The following ARFGEF1 variants were observed in gnomAD, a reference collection of about 807,000 sequenced individuals.
ARFGEF1 encodes brefeldin A-inhibited guanine nucleotide-exchange protein 1.
A neutral mutation model predicts 231.0 loss-of-function variants in ARFGEF1; 42 were observed. The ratio of observed to expected loss-of-function variants is 0.18; its 90% CI spans 0.14 to 0.24. ARFGEF1 has a LOEUF of 0.24. Among genes scored for constraint, ARFGEF1 ranks in the 10% least tolerant of loss-of-function variants. The pLI, the probability that ARFGEF1 is intolerant of heterozygous loss-of-function variation, is 1.00. For synonymous variants in ARFGEF1, 710 were observed against 732.3 expected (o/e 0.97, Z 0.49); for missense variants, 1,345 against 2,192.0 (o/e 0.61, Z 7.72).
chr8:67,213,754 A>C (rs1380838344), intron 33 of ARFGEF1, among the ~76,000 whole-genome samples: 1 of 152,220 alleles, frequency 6.6e-6, no homozygotes, highest in Non-Finnish European at 1.5e-5. Context: ...AAACTGAGCA[A>C]AACAGGTTTT....
At chr8:67,187,384 G>T (rs1188855747) in intron 5 of ARFGEF1, among the ~76,000 whole-genome samples, 1 of 152,152 alleles carries the variant, frequency 6.6e-6, no homozygotes, top group East Asian at 1.9e-4. Context: ...CAGTTGAATG[G>T]AATATGGAGC....
At chr8:67,224,848 A>T in intron 29 of ARFGEF1, 55 bp downstream of exon 29, 1 of 1,295,354 alleles carries the variant, frequency 7.7e-7, no homozygotes, top group Non-Finnish European at 1.0e-6. Context: ...AGAAGAGTTA[A>T]TTTGATTAAA....
intron 22 of ARFGEF1, 58 bp downstream of exon 22, chr8:67,238,285 A>C: frequency 6.8e-7 from 1 of 1,468,160 alleles, no homozygotes; most frequent in Non-Finnish European, 9.2e-7. Flanking sequence ...TACTACAATA[A>C]AGTGACTTAT....
chr8:67,242,022 C>A (rs898913904), intron 19 of ARFGEF1, among the ~76,000 whole-genome samples: 2 of 152,138 alleles, frequency 1.3e-5, no homozygotes, highest in East Asian at 1.9e-4. Flanking sequence ...AGCATTCAGA[C>A]GAGCCACAGC....
Position 67,204,700 on chromosome 8 carries a change from C to T in ARFGEF1, c.4939G>A (p.Glu1647Lys). The change falls in exon 35 of 39, where the codon GAA becomes AAA. Residue 1647 changes from glutamate to lysine, a missense_variant. By Grantham distance (56) the Glu-to-Lys change is moderately conservative. Coordinates refer to ENST00000262215, the MANE Select transcript of ARFGEF1 (RefSeq NM_006421.5). ...CTTACCTGTGCTGCAGCTAAGTTTT[C>T]TGCATCTTCTTTCTTACTTGTGGCT... ...FPATSKKEDA[E>K]NLAAAQRDAV... 2 of 1,613,676 alleles carry T rather than the reference C, an allele frequency of 1.2e-6. No individual in the cohort carries two copies. Among genetic ancestry groups the T allele is most frequent in the Non-Finnish European group, 1.7e-6 (2 of 1,179,890 alleles).
At chr8:67,237,570 T>C (rs940322121) in intron 22 of ARFGEF1, among the ~76,000 whole-genome samples, 2 of 151,648 alleles carry the variant, frequency 1.3e-5, no homozygotes, top group African/African-American at 4.8e-5. Flanking sequence ...AGGTGGGGGG[T>C]TGGGGAGGGA....
chr8:67,269,396 AGGCT>A (rs1272528194), intron 10 of ARFGEF1, among the ~76,000 whole-genome samples: 1 of 134,918 alleles, frequency 7.4e-6, no homozygotes, highest in Non-Finnish European at 1.5e-5. Context: ...CTTGTTGACC[AGGCT>A]GGAGTGCAAT....
At position 67,343,443 on chromosome 8, in the gene ARFGEF1, G is replaced by T. The variant is rs1338227170; in HGVS notation, c.-156C>A. The T allele has an allele frequency of 1.5e-6, 2 of 1,374,490 alleles. No homozygotes were observed. Among genetic ancestry groups the T allele is most frequent in the Non-Finnish European group, 9.4e-7 (1 of 1,060,212 alleles). 85.1% of individuals were successfully genotyped at this position (1,374,490 alleles called of 1,614,324 possible). The stretch of plus-strand genomic sequence containing the variant: ...CAGCGGCAGGATCAGGAAGGGGCGG[G>T]CGAGCGGGACCAGCCGCGGTGTCGG... On this transcript the variant is annotated 5_prime_UTR_variant, in exon 1 of 39. Transcript: ENST00000262215.
At chr8:67,338,450 A>T (rs570983894) in intron 1 of ARFGEF1, among the ~76,000 whole-genome samples, 1 of 152,372 alleles carries the variant, frequency 6.6e-6, no homozygotes, top group South Asian at 2.1e-4. Context: ...GAACTTCATT[A>T]AACAAAATTG....
chr8:67,338,913 A>C (rs562060425), intron 1 of ARFGEF1, among the ~76,000 whole-genome samples: 13 of 152,318 alleles, frequency 8.5e-5, no homozygotes, highest in African/African-American at 2.9e-4. Context: ...TAAATGGTGA[A>C]GAGTGATGAA....
chr8:67,263,099 T>C (rs1475150664), intron 14 of ARFGEF1, among the ~76,000 whole-genome samples: 2 of 152,142 alleles, frequency 1.3e-5, no homozygotes, highest in Non-Finnish European at 2.9e-5. Flanking sequence ...CCCTTCTCCT[T>C]CCTCTGCTCC....
At chr8:67,192,713 C>T (rs1221403630), downstream of ARFGEF1, among the ~76,000 whole-genome samples, 1 of 152,188 alleles carries the variant, frequency 6.6e-6, no homozygotes, top group Admixed American at 6.5e-5. Flanking sequence ...GGGTCCAAGT[C>T]CATTCTTTTG....
intron 37 of ARFGEF1, 74 bp from the exon 38 acceptor site, chr8:67,200,587 C>T: frequency 1.1e-6 from 1 of 892,652 alleles, no homozygotes. Flanking sequence ...AAAGAGCAAT[C>T]ATGAACATAG....
In ARFGEF1 at chr8:67,187,625, C is replaced by A. The variant is rs1404248914; in HGVS notation, c.561-12053G>T. ...CTTGAGCCTGGAAGTTCAAGGCTGC[C>A]GTGAGCTATGATCACGCCACTAAAC... On this transcript the variant is annotated intron_variant, in intron 5 of 5. Coordinates refer to the ARFGEF1 transcript ENST00000518789. Among the ~76,000 whole-genome samples the A allele has an allele frequency of 2.0e-5, 3 of 151,584 alleles. No homozygotes were observed. In the South Asian group the frequency reaches 6.2e-4, roughly 32 times the overall value.
At chr8:67,324,995 C>T (rs1314566785) in intron 1 of ARFGEF1, among the ~76,000 whole-genome samples, 1 of 151,356 alleles carries the variant, frequency 6.6e-6, no homozygotes, top group Non-Finnish European at 1.5e-5. Context: ...CTCACTGCAA[C>T]CTCCGCCTCC....
intron 1 of ARFGEF1, among the ~76,000 whole-genome samples, chr8:67,339,121 C>T (rs1024177198): frequency 1.3e-5 from 2 of 152,132 alleles, no homozygotes; most frequent in Non-Finnish European, 2.9e-5. Flanking sequence ...GTAATAGACT[C>T]TTATATAAGA....
intron 6 of ARFGEF1, among the ~76,000 whole-genome samples, chr8:67,289,346 G>A (rs1422638879): frequency 6.6e-6 from 1 of 151,922 alleles, no homozygotes; most frequent in Non-Finnish European, 1.5e-5. Context: ...TTGAGCCCAG[G>A]AGTTCAAGAC....
In ARFGEF1 at chr8:67,333,774, C is replaced by T. The variant is rs144742886; in HGVS notation, c.124+9390G>A. 1.4e-3 allele frequency among the ~76,000 whole-genome samples: 207 copies of T among 152,190 alleles called. 1 individual carries two copies. The highest frequency in any genetic ancestry group is 4.8e-3 in the African/African-American group (198 of 41,516). ...ACATGAAGCCAGAAGTGAAAAATTC[C>T]GAATCTCATCTCACGTGATGGGTCA... On this transcript the variant is annotated intron_variant, in intron 1 of 38. Transcript: ENST00000262215.
rs756944266 is a variant in ARFGEF1, at chr8:67,301,412, T to C, written c.156-32A>G. The C allele has an allele frequency of 1.9e-6, 3 of 1,576,610 alleles. No individual in the cohort carries two copies. In the South Asian group the frequency reaches 3.6e-5, roughly 19 times the overall value. ...GAGAAAGAAAAGTCTGATTATAGCG[T>C]ATCACATTTATAATATTGATAATAA... On this transcript the variant is annotated intron_variant, in intron 2 of 38. Transcript: ENST00000262215.
Sources: allele counts gnomAD v4.1 joint callset (sites outside exome capture counted in the v4.1 genomes callset), GRCh38; gene constraint gnomAD v4.1.1; transcripts MANE v1.5; gene names NCBI Gene and HGNC (gene_info 2026-07-23, HGNC 2026-07-21).